The following PCDHGA10 variants were observed in gnomAD, a reference collection of about 807,000 sequenced individuals.
PCDHGA10 encodes protocadherin gamma-A10.
Under a neutral mutation model 59.5 loss-of-function variants are expected in PCDHGA10, and 42 were observed. The observed-to-expected ratio is 0.71, with a 90% CI of 0.55 to 0.91. The LOEUF is 0.91. Ranked by LOEUF, PCDHGA10 falls within the 40% of genes least tolerant of loss-of-function variation. The pLI, the probability that PCDHGA10 is intolerant of heterozygous loss-of-function variation, is 0.00. For synonymous variants in PCDHGA10, 511 were observed against 517.2 expected (o/e 0.99, Z 0.16); for missense variants, 1,111 against 1,198.2 (o/e 0.93, Z 1.07).
chr5:141,421,255 C>T lies in PCDHGA10; in HGVS notation c.2436+5644C>T, dbSNP rs759899934. On this transcript the variant is annotated intron_variant, in intron 1 of 3. Coordinates refer to ENST00000398610, the MANE Select transcript of PCDHGA10 (RefSeq NM_018913.3). ...GGCGAATCGGCTACAGCGCGGGGAC[C>T]GCAGTCGGCTGCTGCTGCTGCTGTG... 5.2e-5 allele frequency: 84 copies of T among 1,607,644 alleles called. No individual in the cohort carries two copies. Among genetic ancestry groups the T allele is most frequent in the Non-Finnish European group, 6.8e-5 (80 of 1,177,916 alleles).
chr5:141,429,751 A>AT (rs2097241304), intron 1 of PCDHGA10, among the ~76,000 whole-genome samples: 1 of 152,110 alleles, frequency 6.6e-6, no homozygotes, highest in African/African-American at 2.4e-5. Flanking sequence ...CTTAGGGAGA[A>AT]TTTTTTCCCT....
Position 141,486,390 on chromosome 5 carries a change from C to G in PCDHGA10, c.2437-8417C>G. 6.2e-7 allele frequency: 1 copy of G among 1,614,138 alleles called. No individual in the cohort carries two copies. The highest frequency in any genetic ancestry group is 8.5e-7 in the Non-Finnish European group (1 of 1,179,996). Reference sequence around the variant, plus strand: ...AAGTCTGCCTTCAGGAACCAGTTCTCCCTGGTGACTGCTGGACCCTTGGAT... The same window carrying G: ...AAGTCTGCCTTCAGGAACCAGTTCTGCCTGGTGACTGCTGGACCCTTGGAT... On this transcript the variant is annotated intron_variant, in intron 1 of 3. Coordinates refer to ENST00000398610, the MANE Select transcript of PCDHGA10 (RefSeq NM_018913.3). This position sits in a 1 kb window ranked among gnomAD's most constrained non-coding sequence, Gnocchi z 5.0.
chr5:141,509,516 T>C (rs2099877144), intron 3 of PCDHGA10, among the ~76,000 whole-genome samples: 1 of 152,130 alleles, frequency 6.6e-6, no homozygotes, highest in Non-Finnish European at 1.5e-5. Context: ...GTGTTGATGA[T>C]GTATTGCACA....
chr5:141,429,374 TG>T (rs2097206438), intron 1 of PCDHGA10, among the ~76,000 whole-genome samples: 1 of 145,410 alleles, frequency 6.9e-6, no homozygotes, highest in South Asian at 2.2e-4. Context: ...ATGGAGAAAA[TG>T]TGTTTTTTTT....
chr5:141,432,386 A>C lies in PCDHGA10; in HGVS notation c.2436+16775A>C. 1 of 1,614,204 alleles carries C rather than the reference A, an allele frequency of 6.2e-7. No homozygotes were observed. Among genetic ancestry groups the C allele is most frequent in the Non-Finnish European group, 8.5e-7 (1 of 1,180,032 alleles). ...GCGGGACAACGGGCACCCGCCCCTC[A>C]GCAGCAACGTGTCGTTGAGCCTGTT... On this transcript the variant is annotated intron_variant, in intron 1 of 3. Transcript: ENST00000398610. This position sits in a 1 kb window ranked among gnomAD's most constrained non-coding sequence, Gnocchi z 6.0.
At chr5:141,441,782 G>T in intron 1 of PCDHGA10, 1 of 391,086 alleles carries the variant, frequency 2.6e-6, no homozygotes, top group East Asian at 8.8e-5. Context: ...TGGACGACCT[G>T]AATGACAACG....
At chr5:141,457,063 G>A (rs1477613746) in intron 1 of PCDHGA10, among the ~76,000 whole-genome samples, 1 of 152,104 alleles carries the variant, frequency 6.6e-6, no homozygotes, top group East Asian at 1.9e-4. Context: ...CTTCCTTTTT[G>A]CCAGTAACTA....
chr5:141,489,483 T>G lies in PCDHGA10; in HGVS notation c.2437-5324T>G. 1.9e-6 allele frequency: 3 copies of G among 1,613,980 alleles called. No individual in the cohort carries two copies. The highest frequency in any genetic ancestry group is 2.5e-6 in the Non-Finnish European group (3 of 1,180,008). ...GCTATTTTTCCCTGAGCTTGATGAG[T>G]GGTGCCCTGGCAGTGAATCAAAAGA... On this transcript the variant is annotated intron_variant, in intron 1 of 3. Coordinates refer to ENST00000398610, the MANE Select transcript of PCDHGA10 (RefSeq NM_018913.3). This position sits in a 1 kb window ranked among gnomAD's most constrained non-coding sequence, Gnocchi z 4.5.
chr5:141,450,893 C>T (rs1306212499), intron 1 of PCDHGA10, among the ~76,000 whole-genome samples: 3 of 149,144 alleles, frequency 2.0e-5, no homozygotes, highest in East Asian at 2.0e-4. Flanking sequence ...GGTGCGATAT[C>T]GGCTCACTGC....
At chr5:141,499,726 ACT>A (rs1368224475) in intron 2 of PCDHGA10, among the ~76,000 whole-genome samples, 1 of 128,608 alleles carries the variant, frequency 7.8e-6, no homozygotes, top group African/African-American at 3.0e-5. Flanking sequence ...ACAGAGTCTC[ACT>A]CTCTTGCCCA....
intron 1 of PCDHGA10, chr5:141,423,295 C>A: frequency 6.2e-7 from 1 of 1,614,146 alleles, no homozygotes; most frequent in Non-Finnish European, 8.5e-7. Context: ...AACCTCAGAC[C>A]TCTCGCTGTA....
intron 1 of PCDHGA10, chr5:141,440,542 C>T (rs1448576873): frequency 6.6e-6 from 1 of 152,206 alleles, no homozygotes; most frequent in Non-Finnish European, 1.5e-5. Context: ...CACGGTTCAG[C>T]AGGAATGTTA....
At chr5:141,422,279 C>T (rs1344316011) in intron 1 of PCDHGA10, 1 of 1,557,956 alleles carries the variant, frequency 6.4e-7, no homozygotes, top group Non-Finnish European at 8.6e-7. Context: ...ATAACTATCA[C>T]CTCTTCTATT....
intron 1 of PCDHGA10, among the ~76,000 whole-genome samples, chr5:141,444,357 G>C (rs1258703336): frequency 3.3e-5 from 5 of 151,798 alleles, no homozygotes; most frequent in African/African-American, 9.7e-5. Flanking sequence ...TTTTAGTAGA[G>C]ACGGGGTTTC....
chr5:141,421,854 C>CCTG (rs761444125), intron 1 of PCDHGA10: 2 of 1,613,762 alleles, frequency 1.2e-6, no homozygotes, highest in Non-Finnish European at 1.7e-6. Flanking sequence ...AGGCTGCTCA[C>CCTG]CTGCTCCTCC....
chr5:141,425,844 G>C (rs985746948), intron 1 of PCDHGA10, among the ~76,000 whole-genome samples: 1 of 152,104 alleles, frequency 6.6e-6, no homozygotes, highest in Admixed American at 6.6e-5. Flanking sequence ...CTCTTTGCTG[G>C]GTTAATGACT....
At chr5:141,478,488 G>A in intron 1 of PCDHGA10, 1 of 1,613,320 alleles carries the variant, frequency 6.2e-7, no homozygotes, top group Non-Finnish European at 8.5e-7. Context: ...ACGCTGCGGA[G>A]CTGTGATCCG....
Position 141,476,845 on chromosome 5 carries a change from C to T in PCDHGA10, c.2437-17962C>T. On this transcript the variant is annotated intron_variant, in intron 1 of 3. Transcript: ENST00000398610. The surrounding 1 kb of genome is among the most constrained non-coding windows in gnomAD (Gnocchi z 7.6). ...TGGACGCGAATGACAATGCGCCTGT[C>T]TTCAACCAGTCCTTGTACCGGGCGC... 1 of 1,613,794 alleles carries T rather than the reference C, an allele frequency of 6.2e-7. No homozygotes were observed. Among genetic ancestry groups the T allele is most frequent in the Non-Finnish European group, 8.5e-7 (1 of 1,180,054 alleles).
intron 1 of PCDHGA10, chr5:141,427,972 C>A: frequency 6.3e-7 from 1 of 1,593,948 alleles, no homozygotes; most frequent in Non-Finnish European, 8.6e-7. Context: ...GTGCTGTACC[C>A]CGCGCTGGGG....
Sources: gnomAD v4.1 joint callset for allele counts (sites outside exome capture counted in the v4.1 genomes callset) on GRCh38, gnomAD v4.1.1 for gene constraint, Gnocchi (gnomAD v3.1) non-coding constraint, MANE v1.5 for transcripts, NCBI Gene and HGNC (gene_info 2026-07-23, HGNC 2026-07-21) for gene names.